SLC39A11: variants seen among roughly 807,000 people sequenced by gnomAD.
SLC39A11 encodes zinc transporter ZIP11.
SLC39A11 carries 33 observed loss-of-function variants against 36.1 expected under a neutral mutation model. That is an observed-to-expected ratio of 0.91 (90% CI 0.69 to 1.22). SLC39A11 has a LOEUF of 1.22. SLC39A11 is among the 50% of genes most tolerant of loss of function. The pLI, the probability that SLC39A11 is intolerant of heterozygous loss-of-function variation, is 0.00. For missense variants in SLC39A11, 432 were observed against 430.3 expected (o/e 1.00, Z -0.03); for synonymous variants, 166 against 170.3 (o/e 0.97, Z 0.20).
chr17:72,681,860 T>C (rs541031210), intron 7 of SLC39A11, among the ~76,000 whole-genome samples: 3 of 152,346 alleles, frequency 2.0e-5, no homozygotes, highest in Non-Finnish European at 4.4e-5. Flanking sequence ...ATTTACTTTA[T>C]TGTAAGAATA....
chr17:72,692,095 C>G (rs1442172717), intron 7 of SLC39A11, among the ~76,000 whole-genome samples: 1 of 151,650 alleles, frequency 6.6e-6, no homozygotes, highest in Non-Finnish European at 1.5e-5. Flanking sequence ...ACTGCAAGCT[C>G]TGCCTCCTGG....
At chr17:72,833,293 G>T (rs2078366389) in intron 6 of SLC39A11, among the ~76,000 whole-genome samples, 1 of 152,160 alleles carries the variant, frequency 6.6e-6, no homozygotes, top group African/African-American at 2.4e-5. Flanking sequence ...GGATTAAAGT[G>T]CAGTACAACA....
intron 6 of SLC39A11, among the ~76,000 whole-genome samples, chr17:72,804,116 C>T (rs891995567): frequency 6.6e-6 from 1 of 152,156 alleles, no homozygotes; most frequent in Non-Finnish European, 1.5e-5. Flanking sequence ...CTGCCTCAGC[C>T]TCCCGAGTAG....
intron 3 of SLC39A11, among the ~76,000 whole-genome samples, chr17:73,056,654 G>A (rs976158323): frequency 6.6e-6 from 1 of 152,154 alleles, no homozygotes; most frequent in South Asian, 2.1e-4. Flanking sequence ...GCCTGCCTGG[G>A]TCAAACAAGC....
chr17:72,650,183 C>T (rs2069785896), intron 7 of SLC39A11, among the ~76,000 whole-genome samples: 1 of 152,232 alleles, frequency 6.6e-6, no homozygotes, highest in African/African-American at 2.4e-5. Flanking sequence ...CGCTGCATTT[C>T]TTTGGGCCCC....
intron 7 of SLC39A11, among the ~76,000 whole-genome samples, chr17:72,713,716 G>A (rs1485159644): frequency 6.6e-6 from 1 of 152,076 alleles, no homozygotes; most frequent in African/African-American, 2.4e-5. Flanking sequence ...CTTACAAAAT[G>A]GTAAAACCAA....
At chr17:72,816,451 C>A (rs1020474479) in intron 6 of SLC39A11, among the ~76,000 whole-genome samples, 1 of 122 alleles carries the variant, frequency 8.2e-3, no homozygotes, top group Non-Finnish European at 0.015. Flanking sequence ...TAATTAGAAG[C>A]GAAACATTTA....
At chr17:72,869,897 C>T (rs1251685806) in intron 5 of SLC39A11, among the ~76,000 whole-genome samples, 1 of 152,074 alleles carries the variant, frequency 6.6e-6, no homozygotes, top group Non-Finnish European at 1.5e-5. Context: ...CCACAAATAA[C>T]TGGTCACAGA....
At chr17:72,911,459 C>T (rs1221051745) in intron 5 of SLC39A11, among the ~76,000 whole-genome samples, 1 of 152,070 alleles carries the variant, frequency 6.6e-6, no homozygotes, top group Non-Finnish European at 1.5e-5. Context: ...TCTTTTTACA[C>T]ATCTCGTGGT....
chr17:72,684,764 TG>T (rs1316856907), intron 7 of SLC39A11, among the ~76,000 whole-genome samples: 1 of 152,282 alleles, frequency 6.6e-6, no homozygotes, highest in East Asian at 1.9e-4. Flanking sequence ...ATCAGAGAGC[TG>T]GGGAGTGGAG....
At chr17:72,965,643 A>G (rs2086916880) in intron 4 of SLC39A11, among the ~76,000 whole-genome samples, 1 of 152,250 alleles carries the variant, frequency 6.6e-6, no homozygotes, top group Admixed American at 6.5e-5. Context: ...TTTGACTTAC[A>G]GTATTTTCAG....
intron 3 of SLC39A11, among the ~76,000 whole-genome samples, chr17:73,046,809 C>T (rs989829098): frequency 1.2e-4 from 18 of 151,472 alleles, no homozygotes; most frequent in African/African-American, 2.7e-4. Flanking sequence ...GGCGTGGTGG[C>T]GCATGTCCAT....
chr17:72,813,899 C>A (rs1568133982), intron 6 of SLC39A11, among the ~76,000 whole-genome samples: 1 of 152,146 alleles, frequency 6.6e-6, no homozygotes, highest in Non-Finnish European at 1.5e-5. Context: ...TGTGAAGCAA[C>A]ATTTAAAACG....
chr17:72,969,210 G>T (rs374951784), intron 4 of SLC39A11, among the ~76,000 whole-genome samples: 6 of 152,328 alleles, frequency 3.9e-5, no homozygotes, highest in Admixed American at 2.0e-4. Flanking sequence ...GGGAAAACCA[G>T]CTGGTTCCAA....
At chr17:72,803,263 C>T (rs543484977) in intron 6 of SLC39A11, among the ~76,000 whole-genome samples, 11 of 152,360 alleles carry the variant, frequency 7.2e-5, no homozygotes, top group African/African-American at 9.6e-5. Flanking sequence ...CTGCTGGGCC[C>T]GTGGTGCTGC....
intron 4 of SLC39A11, among the ~76,000 whole-genome samples, chr17:72,949,948 G>A (rs1352525026): frequency 2.1e-5 from 2 of 94,316 alleles, no homozygotes; most frequent in Admixed American, 2.7e-4. Flanking sequence ...CCAGGCTGCT[G>A]TGACACACAC....
At chr17:72,809,193 T>TTTTC (rs1218423300) in intron 6 of SLC39A11, among the ~76,000 whole-genome samples, 1 of 95,596 alleles carries the variant, frequency 1.0e-5, no homozygotes, top group Non-Finnish European at 2.0e-5. Flanking sequence ...ATCTTCTTTC[T>TTTTC]TTTCTTTCTC....
chr17:73,075,361 A>C (rs79376130), intron 3 of SLC39A11, among the ~76,000 whole-genome samples: 16,992 of 152,272 alleles, frequency 0.11, 1,255 homozygotes, highest in Admixed American at 0.21. Context: ...TCACTCTGCC[A>C]AATACTGGCA....
Position 72,988,190 on chromosome 17 carries a change from C to T in SLC39A11, c.307-40315G>A, listed in dbSNP as rs190242866. Among the ~76,000 whole-genome samples, 102 of 152,342 alleles carry T rather than the reference C, an allele frequency of 6.7e-4. No individual in the cohort carries two copies. The East Asian group carries it at 0.015, about 23-fold the overall frequency. Reference sequence around the variant, plus strand: ...CAATTAGGCTGGGCACAGTGGCTCACGCCTGTAATCCCAACACTTTGGGGG... The same window carrying T: ...CAATTAGGCTGGGCACAGTGGCTCATGCCTGTAATCCCAACACTTTGGGGG... On this transcript the variant is annotated intron_variant, in intron 4 of 9. Transcript: ENST00000255559.
Sources: gnomAD v4.1 joint callset for allele counts (sites outside exome capture counted in the v4.1 genomes callset) on GRCh38, gnomAD v4.1.1 for gene constraint, MANE v1.5 for transcripts, NCBI Gene and HGNC (gene_info 2026-07-23, HGNC 2026-07-21) for gene names.